MLLT1: variants seen among roughly 807,000 people sequenced by gnomAD.
The protein encoded by MLLT1 is MLLT1 super elongation complex subunit, also known as protein ENL.
In MLLT1, 11 loss-of-function variants were observed where a neutral mutation model predicts 55.1. The observed-to-expected ratio is 0.20, with a 90% CI of 0.13 to 0.33. The LOEUF is 0.33. Among genes scored for constraint, MLLT1 ranks in the 10% least tolerant of loss-of-function variants. MLLT1 has a pLI of 1.00. For missense variants in MLLT1, 536 were observed against 760.6 expected (o/e 0.70, Z 3.47); for synonymous variants, 323 against 320.1 (o/e 1.01, Z -0.10).
intron 3 of MLLT1, among the ~76,000 whole-genome samples, chr19:6,243,916 C>A (rs1403150310): frequency 6.6e-6 from 1 of 151,634 alleles, no homozygotes; most frequent in African/African-American, 2.4e-5. Context: ...TGGTGGCGGG[C>A]GCCTGTAGTC....
rs949349092 is a variant in MLLT1, at chr19:6,256,581, G to C, written c.276+5647C>G. ...CATCCTGGCTAACACGGTGAAACCT[G>C]GTCTCTACTACAAATACAAAAAATT... is the stretch of plus-strand genomic sequence containing the variant. On this transcript the variant is annotated intron_variant, in intron 3 of 11. Transcript: ENST00000252674. The surrounding 1 kb of genome is among the most constrained non-coding windows in gnomAD (Gnocchi z 4.1). Among the ~76,000 whole-genome samples the C allele has an allele frequency of 3.9e-5, 6 of 151,958 alleles. No homozygotes were observed. The highest frequency in any genetic ancestry group is 8.8e-5 in the Non-Finnish European group (6 of 67,986).
intron 5 of MLLT1, among the ~76,000 whole-genome samples, chr19:6,224,416 C>G (rs187398191): frequency 3.9e-5 from 6 of 152,364 alleles, no homozygotes; most frequent in Non-Finnish European, 8.8e-5. Flanking sequence ...CAGCAAGCTA[C>G]TACCCAAGGA....
Position 6,210,704 on chromosome 19 carries a change from G to A in MLLT1, c.*2338C>T, listed in dbSNP as rs1340540390. ...GGGCAGGCGGCTTAACAGGAAACAC[G>A]TGGCAATCACAAAGTGCCAGGCCCC... is the stretch of plus-strand genomic sequence containing the variant. On this transcript the variant is annotated 3_prime_UTR_variant, in exon 12 of 12. Coordinates refer to ENST00000252674, the MANE Select transcript of MLLT1 (RefSeq NM_005934.4). This position sits in a 1 kb window ranked among gnomAD's most constrained non-coding sequence, Gnocchi z 4.6. 5 of 229,428 alleles carry A rather than the reference G, an allele frequency of 2.2e-5. No individual in the cohort carries two copies. The highest frequency in any genetic ancestry group is 5.7e-5 in the Admixed American group (1 of 17,658). 14.2% of individuals were successfully genotyped at this position (229,428 alleles called of 1,614,324 possible).
rs886819942 is a variant in MLLT1 at position 6,231,002 on chromosome 19, C to T, written c.277-289G>A. Among the ~76,000 whole-genome samples, 1 of 152,248 alleles carries T rather than the reference C, an allele frequency of 6.6e-6. No homozygotes were observed. Among genetic ancestry groups the T allele is most frequent in the Non-Finnish European group, 1.5e-5 (1 of 68,046 alleles). On this transcript the variant is annotated intron_variant, in intron 3 of 11. Transcript: ENST00000252674. This position sits in a 1 kb window ranked among gnomAD's most constrained non-coding sequence, Gnocchi z 5.1. ...AAACATGTACCCCCTTCAACCCTCA[C>T]AGCGCCACTGACAGACAGGGAAACC... is the stretch of plus-strand genomic sequence containing the variant.
chr19:6,260,095 C>A (rs2091291310), intron 3 of MLLT1, among the ~76,000 whole-genome samples: 1 of 152,004 alleles, frequency 6.6e-6, no homozygotes, highest in African/African-American at 2.4e-5. Context: ...GTCCCATGCC[C>A]CCCATGCAAC....
At chr19:6,228,609 A>G (rs533832493) in intron 4 of MLLT1, among the ~76,000 whole-genome samples, 107 of 152,296 alleles carry the variant, frequency 7.0e-4, no homozygotes, top group African/African-American at 2.4e-3. Flanking sequence ...CAGAGAAAGC[A>G]GCGCTCGCTG....
In MLLT1 at chr19:6,227,112, G is replaced by C; in HGVS notation, c.421-10C>G. 1 of 1,591,560 alleles carries C rather than the reference G, an allele frequency of 6.3e-7. No homozygotes were observed. Among genetic ancestry groups the C allele is most frequent in the Non-Finnish European group, 8.5e-7 (1 of 1,171,438 alleles). ...CGGGCATTACCATCACCTAGTGACA[G>C]AGAAGAGACAGTCATTATCGATGGG... On this transcript the variant is annotated splice_polypyrimidine_tract_variant and intron_variant, in intron 4 of 11. Transcript: ENST00000252674. This position sits in a 1 kb window ranked among gnomAD's most constrained non-coding sequence, Gnocchi z 5.1.
rs761363606 is a variant in MLLT1, at chr19:6,226,965, C to T, written c.546+12G>A. ...GGCGCTCCCACGCGACTGGGCCTTC[C>T]GCCTCACTAACCTTGGAGCCGTGGG... is the stretch of plus-strand genomic sequence containing the variant. On this transcript the variant is annotated intron_variant, in intron 5 of 11. Coordinates refer to ENST00000252674, the MANE Select transcript of MLLT1 (RefSeq NM_005934.4). The surrounding 1 kb of genome is among the most constrained non-coding windows in gnomAD (Gnocchi z 6.3). The T allele has an allele frequency of 4.0e-5, 63 of 1,583,814 alleles. No homozygotes were observed. Among genetic ancestry groups the T allele is most frequent in the Admixed American group, 1.1e-4 (6 of 54,814 alleles).
Position 6,273,621 on chromosome 19 carries a change from C to T in MLLT1, c.13-2862G>A, listed in dbSNP as rs149428371. The stretch of plus-strand genomic sequence containing the variant: ...GCCATGACCACCCTCTATGCTTACA[C>T]GCCTGCGCCTCTGCCTTTTTCGCTA... On this transcript the variant is annotated intron_variant, in intron 1 of 11. Transcript: ENST00000252674. This position sits in a 1 kb window ranked among gnomAD's most constrained non-coding sequence, Gnocchi z 4.3. Among the ~76,000 whole-genome samples the T allele has an allele frequency of 5.7e-3, 865 of 152,348 alleles. 3 individuals are homozygous for T. Among genetic ancestry groups the T allele is most frequent in the Non-Finnish European group, 9.6e-3 (656 of 68,032 alleles).
Position 6,212,626 on chromosome 19 carries a change from T to C in MLLT1, c.*416A>G. On this transcript the variant is annotated 3_prime_UTR_variant, in exon 12 of 12. Coordinates refer to ENST00000252674, the MANE Select transcript of MLLT1 (RefSeq NM_005934.4). ...TCCAGGGTGGGCGGAGGGTGTGTTC[T>C]GAACCATTCGGGAGGCTGGAGATGC... The C allele has an allele frequency of 1.8e-6, 2 of 1,114,060 alleles. No individual in the cohort carries two copies. Among genetic ancestry groups the C allele is most frequent in the Non-Finnish European group, 1.1e-6 (1 of 911,326 alleles). The allele number at this position is 1,114,060 out of a possible 1,614,324, so 69.0% of individuals were successfully genotyped here. A position where few individuals can be genotyped will look rare whatever the true frequency, so the allele number is the denominator to read the frequency against.
intron 6 of MLLT1, among the ~76,000 whole-genome samples, chr19:6,221,120 C>A (rs1449448027): frequency 1.3e-5 from 2 of 152,226 alleles, no homozygotes; most frequent in Non-Finnish European, 2.9e-5. Flanking sequence ...GTGGCTGGGA[C>A]CTGCATTCAA....
In MLLT1 at chr19:6,230,102, C is replaced by T. The variant is rs933812550; in HGVS notation, c.420+468G>A. Among the ~76,000 whole-genome samples the T allele has an allele frequency of 1.3e-5, 2 of 152,144 alleles. No homozygotes were observed. The highest frequency in any genetic ancestry group is 2.4e-5 in the African/African-American group (1 of 41,426). On this transcript the variant is annotated intron_variant, in intron 4 of 11. Coordinates refer to ENST00000252674, the MANE Select transcript of MLLT1 (RefSeq NM_005934.4). This position sits in a 1 kb window ranked among gnomAD's most constrained non-coding sequence, Gnocchi z 9.0. ...GAGCCCCCACAGGGTCCGGAGGGCT[C>T]GACTCCAGCCACCGCATGGGGGTCC...
intron 6 of MLLT1, among the ~76,000 whole-genome samples, chr19:6,221,306 G>A (rs1161423754): frequency 1.3e-5 from 2 of 152,212 alleles, no homozygotes; most frequent in Non-Finnish European, 2.9e-5. Context: ...TAAATGCCAA[G>A]TGCCAGATAA....
In MLLT1 at chr19:6,226,839, A is replaced by C; in HGVS notation, c.546+138T>G. On this transcript the variant is annotated intron_variant, in intron 5 of 11. Coordinates refer to ENST00000252674, the MANE Select transcript of MLLT1 (RefSeq NM_005934.4). The surrounding 1 kb of genome is among the most constrained non-coding windows in gnomAD (Gnocchi z 6.3). ...CGGCAGTGCGCAGCGAGGGGTGTGC[A>C]GAGAGCTCAAAGAGGAAGACGCCAA... 3.6e-6 allele frequency: 2 copies of C among 557,384 alleles called. No homozygotes were observed. 34.5% of individuals were successfully genotyped at this position (557,384 alleles called of 1,614,324 possible).
At chr19:6,245,865 C>A (rs78749145) in intron 3 of MLLT1, among the ~76,000 whole-genome samples, 3 of 152,066 alleles carry the variant, frequency 2.0e-5, no homozygotes, top group African/African-American at 2.4e-5. Context: ...CCACTGCACC[C>A]CATCCAGCCT....
rs180975516 is a variant in MLLT1, at chr19:6,232,270, A to G, written c.277-1557T>C. On this transcript the variant is annotated intron_variant, in intron 3 of 11. Transcript: ENST00000252674. ...CAAACAAACAAACAAGCAAACAAAC[A>G]TGCAGGCTCATGTCCTAACATTATG... 9.9e-5 allele frequency among the ~76,000 whole-genome samples: 15 copies of G among 152,222 alleles called. No homozygotes were observed. The East Asian group carries it at 2.9e-3, about 29-fold the overall frequency.
At chr19:6,244,089 G>C (rs1452824222) in intron 3 of MLLT1, among the ~76,000 whole-genome samples, 2 of 144,310 alleles carry the variant, frequency 1.4e-5, no homozygotes, top group Non-Finnish European at 3.0e-5. Context: ...CTTCTTAAGA[G>C]AACCCAACCG....
intron 1 of MLLT1, among the ~76,000 whole-genome samples, chr19:6,278,407 G>C (rs926616002): frequency 8.8e-5 from 13 of 147,256 alleles, no homozygotes; most frequent in African/African-American, 3.2e-4. Flanking sequence ...CAATGGGGAG[G>C]GGCCGTCCAG....
chr19:6,212,689 C>T lies in MLLT1; in HGVS notation c.*353G>A. The T allele has an allele frequency of 8.9e-7, 1 of 1,120,728 alleles. No homozygotes were observed. The highest frequency in any genetic ancestry group is 3.5e-5 in the South Asian group (1 of 28,388). 69.4% of individuals were successfully genotyped at this position (1,120,728 alleles called of 1,614,324 possible). A position where few individuals can be genotyped will look rare whatever the true frequency, so the allele number is the denominator to read the frequency against. ...GATCCGCTGCTCAGAAAGGCTGGGGCAGCGACGCCGCACAGCCCGCCGAGC... is the reference window on the plus strand; with the variant it reads ...GATCCGCTGCTCAGAAAGGCTGGGGTAGCGACGCCGCACAGCCCGCCGAGC... On this transcript the variant is annotated 3_prime_UTR_variant, in exon 12 of 12. Transcript: ENST00000252674.
Sources: allele counts gnomAD v4.1 joint callset (sites outside exome capture counted in the v4.1 genomes callset), GRCh38; gene constraint gnomAD v4.1.1; non-coding constraint Gnocchi (gnomAD v3.1); transcripts MANE v1.5; gene names NCBI Gene and HGNC (gene_info 2026-07-23, HGNC 2026-07-21).